GLMN: variants seen among roughly 807,000 people sequenced by gnomAD.
GLMN encodes the protein glomulin.
A neutral mutation model predicts 87.8 loss-of-function variants in GLMN; 75 were observed. That is an observed-to-expected ratio of 0.85 (90% CI 0.71 to 1.04). GLMN has a LOEUF of 1.04. Among genes scored for constraint, GLMN ranks in the 50% least tolerant of loss-of-function variants. GLMN has a pLI of 0.00. For synonymous variants in GLMN, 206 were observed against 221.6 expected (o/e 0.93, Z 0.63); for missense variants, 588 against 658.8 (o/e 0.89, Z 1.18).
At chr1:92,324,409 G>C in the GLMN span, 1 of 1,494,082 alleles carries the variant, frequency 6.7e-7, no homozygotes, top group Non-Finnish European at 9.2e-7. Context: ...TTTCCAGATC[G>C]TTAACATTTG....
chr1:92,314,496 A>T, the GLMN span, among the ~76,000 whole-genome samples: 1 of 152,184 alleles, frequency 6.6e-6, no homozygotes. Context: ...AACACCAGTA[A>T]TCCAGCACTT....
upstream of GLMN, chr1:92,301,736 A>T: frequency 2.5e-6 from 1 of 404,580 alleles, no homozygotes. Flanking sequence ...CATGCATTTA[A>T]AAATAAACAA....
chr1:92,351,781 A>G, the GLMN span, among the ~76,000 whole-genome samples: 1 of 152,190 alleles, frequency 6.6e-6, no homozygotes, highest in African/African-American at 2.4e-5. Context: ...TGTGCAGCCT[A>G]TGTGCCAGAA....
intron 7 of GLMN, among the ~76,000 whole-genome samples, chr1:92,280,115 T>C (rs1647826571): frequency 6.6e-6 from 1 of 152,244 alleles, no homozygotes; most frequent in Non-Finnish European, 1.5e-5. Flanking sequence ...AGTGGTTCTC[T>C]CAGCATAGCA....
At chr1:92,357,124 C>T in the GLMN span, among the ~76,000 whole-genome samples, 1 of 144,152 alleles carries the variant, frequency 6.9e-6, no homozygotes, top group African/African-American at 2.6e-5. Flanking sequence ...CACACACAAA[C>T]AGATGTTTAT....
chr1:92,275,606 A>T (rs1031175626), intron 7 of GLMN, among the ~76,000 whole-genome samples: 1 of 152,054 alleles, frequency 6.6e-6, no homozygotes, highest in Non-Finnish European at 1.5e-5. Context: ...TACACTAGTC[A>T]TCTCCTTTTT....
chr1:92,321,427 T>G, the GLMN span, among the ~76,000 whole-genome samples: 1 of 152,110 alleles, frequency 6.6e-6, no homozygotes, highest in Admixed American at 6.5e-5. Context: ...TTCATCTTTT[T>G]TCTTCATTCC....
At chr1:92,304,911 G>C in the GLMN span, among the ~76,000 whole-genome samples, 9 of 151,092 alleles carry the variant, frequency 6.0e-5, no homozygotes, top group Non-Finnish European at 1.3e-4. Flanking sequence ...CAAGGGGGGC[G>C]GATTACCTGA....
At chr1:92,343,832 G>A in the GLMN span, among the ~76,000 whole-genome samples, 1,088 of 152,298 alleles carry the variant, frequency 7.1e-3, 12 homozygotes, top group African/African-American at 0.025. Context: ...GAGGTAGAGG[G>A]CAAGTTGTAC....
the GLMN span, chr1:92,333,473 TG>T: frequency 1.4e-5 from 22 of 1,604,860 alleles, no homozygotes; most frequent in Admixed American, 3.7e-4. Context: ...TTGAGTAAAG[TG>T]TAAGTATGTA....
chr1:92,361,754 G>A, the GLMN span, among the ~76,000 whole-genome samples: 1 of 152,106 alleles, frequency 6.6e-6, no homozygotes, highest in African/African-American at 2.4e-5. Flanking sequence ...TAATTCATTA[G>A]TTATAAAATT....
intron 6 of GLMN, among the ~76,000 whole-genome samples, chr1:92,287,012 C>T (rs1217111590): frequency 6.6e-6 from 1 of 152,188 alleles, no homozygotes; most frequent in Non-Finnish European, 1.5e-5. Context: ...TGGATTAAGA[C>T]AAGCATCAAT....
At chr1:92,331,407 C>T in the GLMN span, among the ~76,000 whole-genome samples, 1 of 152,118 alleles carries the variant, frequency 6.6e-6, no homozygotes, top group South Asian at 2.1e-4. Flanking sequence ...CCCACTTATT[C>T]TGTCTTCCTT....
At chr1:92,291,688 T>C (rs1292916834) in intron 3 of GLMN, 151 bp from the exon 4 acceptor site, 5 of 759,324 alleles carry the variant, frequency 6.6e-6, no homozygotes, top group Non-Finnish European at 1.1e-5. Context: ...CTTTCCAGGG[T>C]TGGCTACTAA....
chr1:92,265,503 T>C (rs1557527967), intron 13 of GLMN, among the ~76,000 whole-genome samples: 1 of 152,176 alleles, frequency 6.6e-6, no homozygotes, highest in Non-Finnish European at 1.5e-5. Flanking sequence ...TGGCTGGGCA[T>C]GATGGCTCAT....
the GLMN span, among the ~76,000 whole-genome samples, chr1:92,305,547 T>C: frequency 2.7e-5 from 4 of 150,700 alleles, no homozygotes; most frequent in African/African-American, 4.9e-5. Flanking sequence ...AACATTTCTA[T>C]ATTAAAATGT....
At chr1:92,281,907 T>C (rs920558587) in intron 7 of GLMN, among the ~76,000 whole-genome samples, 3 of 152,006 alleles carry the variant, frequency 2.0e-5, no homozygotes, top group Non-Finnish European at 2.9e-5. Context: ...AGGGATAAAT[T>C]CAACAAGAAG....
intron 18 of GLMN, 27 bp downstream of exon 18, chr1:92,247,035 A>T: frequency 8.4e-7 from 1 of 1,190,516 alleles, no homozygotes; most frequent in Non-Finnish European, 1.2e-6. Context: ...AAGAAGAAAA[A>T]GGAAAGAAAA....
At chr1:92,293,435 A>G (rs1263067218) in intron 3 of GLMN, among the ~76,000 whole-genome samples, 4 of 151,900 alleles carry the variant, frequency 2.6e-5, no homozygotes, top group African/African-American at 9.7e-5. Context: ...CCTCCCAAGT[A>G]GCTGGGGCTA....
Sources: allele counts gnomAD v4.1 joint callset (sites outside exome capture counted in the v4.1 genomes callset), GRCh38; gene constraint gnomAD v4.1.1; transcripts MANE v1.5; gene names NCBI Gene and HGNC (gene_info 2026-07-23, HGNC 2026-07-21).